The following SIK3 variants were observed in gnomAD, a reference collection of about 807,000 sequenced individuals.
SIK3 encodes the protein SIK family kinase 3, also known as serine/threonine-protein kinase SIK3.
Under a neutral mutation model 144.2 loss-of-function variants are expected in SIK3, and 28 were observed. That is an observed-to-expected ratio of 0.19 (90% confidence interval 0.14 to 0.27). The LOEUF is 0.27. Ranked by LOEUF, SIK3 falls within the 10% of genes least tolerant of loss-of-function variation. The pLI, the probability that SIK3 is intolerant of heterozygous loss-of-function variation, is 1.00. For missense variants in SIK3, 1,319 were observed against 1,776.0 expected (o/e 0.74, Z 4.62); for synonymous variants, 686 against 676.3 (o/e 1.01, Z -0.22).
intron 1 of SIK3, among the ~76,000 whole-genome samples, chr11:117,013,402 C>T (rs796384506): frequency 1.3e-5 from 2 of 152,218 alleles, no homozygotes; most frequent in African/African-American, 4.8e-5. Flanking sequence ...CACTTGAACC[C>T]AGGAGGCAGG....
At chr11:116,890,801 C>G (rs913300097) in intron 6 of SIK3, among the ~76,000 whole-genome samples, 46 of 152,004 alleles carry the variant, frequency 3.0e-4, no homozygotes, top group African/African-American at 1.1e-3. Context: ...CTCCAGAAAA[C>G]AGAACTTGTT....
intron 14 of SIK3, chr11:116,869,969 C>T (rs1943876434): frequency 5.3e-6 from 3 of 568,466 alleles, no homozygotes; most frequent in Non-Finnish European, 8.3e-6. Flanking sequence ...TGTCATCCCA[C>T]ATCTCCAATT....
At position 117,017,008 on chromosome 11, in the gene SIK3, C is replaced by T. The variant is rs1015889681; in HGVS notation, c.274-59944G>A. Among the ~76,000 whole-genome samples, 7 of 152,242 alleles carry T rather than the reference C, an allele frequency of 4.6e-5. No individual in the cohort carries two copies. The East Asian group carries it at 1.3e-3, about 29-fold the overall frequency. ...TGTAAGAAGCTGATACAACAGAATA[C>T]ATATTGTGTAATGCCAATTATATAA... On this transcript the variant is annotated intron_variant, in intron 1 of 24. Transcript: ENST00000445177.
intron 1 of SIK3, among the ~76,000 whole-genome samples, chr11:116,974,181 C>T (rs1591458674): frequency 6.6e-6 from 1 of 152,340 alleles, no homozygotes; most frequent in East Asian, 1.9e-4. Context: ...TAACTGCAAA[C>T]ATCATAATGG....
chr11:117,055,595 C>T (rs1205216723), intron 1 of SIK3, among the ~76,000 whole-genome samples: 2 of 152,168 alleles, frequency 1.3e-5, no homozygotes, highest in Non-Finnish European at 2.9e-5. Flanking sequence ...AGAATATAAT[C>T]GCTTAACAAG....
At chr11:117,009,027 G>C (rs1236184107) in intron 1 of SIK3, among the ~76,000 whole-genome samples, 1 of 152,006 alleles carries the variant, frequency 6.6e-6, no homozygotes, top group Non-Finnish European at 1.5e-5. Flanking sequence ...CTGAAGTCAG[G>C]AGATCAAGAC....
intron 1 of SIK3, among the ~76,000 whole-genome samples, chr11:116,958,116 A>G (rs1481175115): frequency 1.3e-5 from 2 of 152,216 alleles, no homozygotes; most frequent in Admixed American, 6.5e-5. Flanking sequence ...TAGACTAGTC[A>G]AACTCTAGTC....
At chr11:117,018,692 G>C (rs946059849) in intron 1 of SIK3, among the ~76,000 whole-genome samples, 1 of 149,166 alleles carries the variant, frequency 6.7e-6, no homozygotes, top group South Asian at 2.2e-4. Context: ...CTGAATTATT[G>C]TATCATTGTT....
chr11:116,998,101 G>C (rs1370680882), intron 1 of SIK3, among the ~76,000 whole-genome samples: 2 of 151,150 alleles, frequency 1.3e-5, no homozygotes, highest in Non-Finnish European at 2.9e-5. Context: ...TGATCCTCCT[G>C]CCTCAGCCTC....
chr11:116,874,088 G>C lies in SIK3; in HGVS notation c.1428-32C>G, dbSNP rs376801131. 21 of 1,610,968 alleles carry C rather than the reference G, an allele frequency of 1.3e-5. No individual in the cohort carries two copies. In the African/African-American group the frequency reaches 2.7e-4, roughly 21 times the overall value. On this transcript the variant is annotated intron_variant, in intron 11 of 24. Transcript: ENST00000445177. The stretch of plus-strand genomic sequence containing the variant: ...CAAAACAGAATGACAGAGAAGTTTA[G>C]TTAACATTCTTACTCAAAAGTGCTT...
At chr11:117,080,153 A>G (rs568019427) in intron 1 of SIK3, among the ~76,000 whole-genome samples, 9 of 152,344 alleles carry the variant, frequency 5.9e-5, no homozygotes, top group African/African-American at 1.9e-4. Context: ...AAATTAAATG[A>G]TGCTCGAATG....
intron 1 of SIK3, among the ~76,000 whole-genome samples, chr11:117,000,856 T>C (rs995177576): frequency 2.0e-5 from 3 of 152,192 alleles, no homozygotes; most frequent in Non-Finnish European, 4.4e-5. Flanking sequence ...TATAGTAACA[T>C]TAGGAAATGA....
chr11:117,048,524 T>A (rs1733409433), intron 1 of SIK3, among the ~76,000 whole-genome samples: 1 of 151,470 alleles, frequency 6.6e-6, no homozygotes, highest in Admixed American at 6.6e-5. Flanking sequence ...GGCTTGGCGG[T>A]GCATGCCTGT....
intron 22 of SIK3, 120 bp from the exon 23 acceptor site, chr11:116,847,728 G>C: frequency 8.4e-7 from 1 of 1,197,268 alleles, no homozygotes; most frequent in South Asian, 1.3e-5. Flanking sequence ...CCCCACTCCA[G>C]ACTCCTTCCT....
intron 22 of SIK3, among the ~76,000 whole-genome samples, chr11:116,848,031 TG>T (rs959700043): frequency 1.3e-5 from 2 of 152,204 alleles, no homozygotes; most frequent in African/African-American, 4.8e-5. Context: ...AAAGTGTGAC[TG>T]GGCTGGGCAC....
intron 3 of SIK3, among the ~76,000 whole-genome samples, chr11:116,937,406 G>C (rs552618588): frequency 6.6e-6 from 1 of 152,252 alleles, no homozygotes; most frequent in Admixed American, 6.5e-5. Flanking sequence ...ATTCAGAATT[G>C]AATCAAATAG....
At chr11:117,070,589 G>A (rs973080689) in intron 1 of SIK3, among the ~76,000 whole-genome samples, 4 of 152,086 alleles carry the variant, frequency 2.6e-5, no homozygotes, top group African/African-American at 9.7e-5. Flanking sequence ...TGGGATGACA[G>A]GCGCCCGCCA....
At chr11:116,847,772 G>A (rs1037592612) in intron 22 of SIK3, among the ~76,000 whole-genome samples, 164 bp from the exon 23 acceptor site, 1 of 152,162 alleles carries the variant, frequency 6.6e-6, no homozygotes, top group Non-Finnish European at 1.5e-5. Context: ...GCTCCACAGC[G>A]ACAGTGTGGG....
chr11:116,881,342 A>G (rs534823783), intron 6 of SIK3, among the ~76,000 whole-genome samples: 1 of 152,182 alleles, frequency 6.6e-6, no homozygotes, highest in Admixed American at 6.5e-5. Context: ...CTCCGCAGTG[A>G]GAGTCACTGT....
Sources: gnomAD v4.1 joint callset for allele counts (sites outside exome capture counted in the v4.1 genomes callset) on GRCh38, gnomAD v4.1.1 for gene constraint, MANE v1.5 for transcripts, NCBI Gene and HGNC (gene_info 2026-07-23, HGNC 2026-07-21) for gene names.